The following PXT1 variants were observed in gnomAD, a reference collection of about 807,000 sequenced individuals.
PXT1 encodes peroxisomal testis enriched protein 1.
Under a neutral mutation model 11.0 loss-of-function variants are expected in PXT1, and 11 were observed. The ratio of observed to expected loss-of-function variants is 1.00; its 90% confidence interval spans 0.63 to 1.66. The LOEUF (loss-of-function observed/expected upper bound fraction) is 1.66, where lower values mean the gene tolerates loss of function less well. Ranked by LOEUF, PXT1 falls within the 40% of genes most tolerant of loss-of-function variation. PXT1 has a pLI of 0.00. For missense variants in PXT1, 141 were observed against 155.5 expected, an observed-to-expected ratio of 0.91 and a Z score of 0.49; for synonymous variants, 43 against 51.4, an observed-to-expected ratio of 0.84 and a Z score of 0.70.
intron 4 of PXT1, among the ~76,000 whole-genome samples, chr6:36,396,415 T>C (rs1474437898): frequency 6.6e-6 from 1 of 152,188 alleles, no homozygotes; most frequent in Non-Finnish European, 1.5e-5. Context: ...ACCCTACCCC[T>C]ACCCCTGAAG....
In PXT1 at chr6:36,400,449, C is replaced by T. The variant is rs1285302976; in HGVS notation, c.300+5G>A. 1 of 1,613,152 alleles carries T rather than the reference C, an allele frequency of 6.2e-7. No individual in the cohort carries two copies. Among genetic ancestry groups the T allele is most frequent in the Non-Finnish European group, 8.5e-7 (1 of 1,179,390 alleles). ...AGGCCCTGGCTGGGGAAACTGAAGCCTCACCTCTCGAACCATCCTATGATC... is the reference window on the plus strand; with the variant it reads ...AGGCCCTGGCTGGGGAAACTGAAGCTTCACCTCTCGAACCATCCTATGATC... On this transcript the variant is annotated splice_donor_5th_base_variant and intron_variant, in intron 4 of 4. Transcript: ENST00000454782.
At chr6:36,396,225 G>A (rs1028327533) in intron 4 of PXT1, among the ~76,000 whole-genome samples, 3 of 152,224 alleles carry the variant, frequency 2.0e-5, no homozygotes, top group African/African-American at 7.2e-5. Context: ...GGCAATGGCT[G>A]CTGTCCTCAT....
intron 4 of PXT1, among the ~76,000 whole-genome samples, chr6:36,396,372 C>T (rs1033617490): frequency 6.6e-6 from 1 of 152,170 alleles, no homozygotes; most frequent in African/African-American, 2.4e-5. Context: ...CCAGGCATCT[C>T]TGCAGCTTGC....
At chr6:36,429,084 T>G (rs1215177535) in intron 2 of PXT1, among the ~76,000 whole-genome samples, 1 of 150,904 alleles carries the variant, frequency 6.6e-6, no homozygotes, top group African/African-American at 2.4e-5. Context: ...CTGGGCAACA[T>G]GGTGAAATCT....
intron 3 of PXT1, among the ~76,000 whole-genome samples, chr6:36,411,761 G>C (rs1332754232): frequency 6.6e-6 from 1 of 151,952 alleles, no homozygotes; most frequent in Non-Finnish European, 1.5e-5. Context: ...GGGCAACATA[G>C]TGAGACCCCA....
intron 3 of PXT1, among the ~76,000 whole-genome samples, chr6:36,420,646 C>A (rs1774510801): frequency 1.3e-5 from 2 of 150,840 alleles, no homozygotes; most frequent in African/African-American, 4.9e-5. Flanking sequence ...ATTTTTCTAG[C>A]CAAGAAAATA....
At chr6:36,423,290 T>G (rs1035976111) in intron 3 of PXT1, among the ~76,000 whole-genome samples, 5 of 152,212 alleles carry the variant, frequency 3.3e-5, no homozygotes, top group Admixed American at 2.0e-4. Context: ...TTTCTCAGGC[T>G]CCCCGCCAGA....
intron 3 of PXT1, among the ~76,000 whole-genome samples, chr6:36,419,886 T>C (rs1183541294): frequency 6.6e-6 from 1 of 152,166 alleles, no homozygotes; most frequent in East Asian, 1.9e-4. Context: ...TCCAAGACCC[T>C]ACAACAGAGT....
At chr6:36,399,131 T>TATTTTATTTC (rs1554151341) in intron 4 of PXT1, among the ~76,000 whole-genome samples, 65 of 150,628 alleles carry the variant, frequency 4.3e-4, no homozygotes, top group Middle Eastern at 7.0e-3. Flanking sequence ...TATTTTATTT[T>TATTTTATTTC]ATTTCATTTC....
chr6:36,415,708 G>A (rs1774436930), intron 3 of PXT1, among the ~76,000 whole-genome samples: 1 of 152,158 alleles, frequency 6.6e-6, no homozygotes, highest in Admixed American at 6.6e-5. Context: ...TGAGTCTTGA[G>A]CAGGTTTGCA....
At chr6:36,422,496 A>G (rs1300385206) in intron 3 of PXT1, among the ~76,000 whole-genome samples, 3 of 152,124 alleles carry the variant, frequency 2.0e-5, no homozygotes, top group African/African-American at 7.2e-5. Context: ...TTTAACATTG[A>G]TATGTGCAAT....
intron 3 of PXT1, 109 bp downstream of exon 3, chr6:36,425,805 A>ACAAACAAACAAAAAAAAATATAT (rs763685304): frequency 3.1e-6 from 1 of 321,510 alleles, no homozygotes; most frequent in African/African-American, 2.3e-5. Flanking sequence ...AAAAACAAAA[A>ACAAACAAACAAAAAAAAATATAT]ATATATATAT....
chr6:36,438,009 G>A (rs542713622), intron 2 of PXT1, among the ~76,000 whole-genome samples: 1 of 151,074 alleles, frequency 6.6e-6, no homozygotes, highest in Non-Finnish European at 1.5e-5. Context: ...TAGTAGAGAC[G>A]GGGTTTCACC....
chr6:36,436,819 A>C (rs1024515594), intron 2 of PXT1, among the ~76,000 whole-genome samples: 65 of 152,218 alleles, frequency 4.3e-4, no homozygotes, highest in Admixed American at 8.5e-4. Context: ...ATATTTATTA[A>C]ATTCTTACTA....
chr6:36,410,517 A>T (rs1290191463), intron 3 of PXT1, among the ~76,000 whole-genome samples: 3 of 151,844 alleles, frequency 2.0e-5, no homozygotes, highest in Admixed American at 2.0e-4. Flanking sequence ...AGAAAGAGAG[A>T]GAAAGAGAAG....
At chr6:36,394,551 G>C (rs79059914) in intron 4 of PXT1, among the ~76,000 whole-genome samples, 1 of 151,940 alleles carries the variant, frequency 6.6e-6, no homozygotes, top group African/African-American at 2.4e-5. Context: ...ACCTAGACCC[G>C]GTGACAACTC....
intron 3 of PXT1, among the ~76,000 whole-genome samples, chr6:36,408,192 C>T (rs1774317198): frequency 6.6e-6 from 1 of 151,384 alleles, no homozygotes. Context: ...AAACTCCTGA[C>T]CTCAGGTGTT....
chr6:36,414,949 T>A (rs1250647324), intron 3 of PXT1, among the ~76,000 whole-genome samples: 2 of 152,182 alleles, frequency 1.3e-5, no homozygotes, highest in African/African-American at 4.8e-5. Context: ...TGCAAATATT[T>A]CAAGTACAAA....
At chr6:36,442,190 G>A (rs757181754) in intron 1 of PXT1, among the ~76,000 whole-genome samples, 1 of 151,980 alleles carries the variant, frequency 6.6e-6, no homozygotes, top group African/African-American at 2.4e-5. Context: ...CACCACGCCC[G>A]GCTAATTTTT....
Sources: gnomAD v4.1 joint callset for allele counts (sites outside exome capture counted in the v4.1 genomes callset) on GRCh38, gnomAD v4.1.1 for gene constraint, MANE v1.5 for transcripts, NCBI Gene and HGNC (gene_info 2026-07-23, HGNC 2026-07-21) for gene names.